Variants in RARB observed in about 807,000 individuals in gnomAD.
RARB encodes retinoic acid receptor beta.
Under a neutral mutation model 51.9 loss-of-function variants are expected in RARB, and 17 were observed. That is an observed-to-expected ratio of 0.33 (90% CI 0.22 to 0.49). The LOEUF (loss-of-function observed/expected upper bound fraction) is 0.49. RARB is among the 20% of genes least tolerant of loss of function. The pLI, the probability that RARB is intolerant of heterozygous loss-of-function variation, is 0.99. For synonymous variants in RARB, 215 were observed against 195.4 expected, an observed-to-expected ratio of 1.10 and a Z score of -0.84; for missense variants, 369 against 550.8, an observed-to-expected ratio of 0.67 and a Z score of 3.30.
At chr3:25,307,779 G>T (rs1704188727) in intron 5 of RARB, among the ~76,000 whole-genome samples, 1 of 152,114 alleles carries the variant, frequency 6.6e-6, no homozygotes, top group Non-Finnish European at 1.5e-5. Context: ...TCTCCAGCTG[G>T]AATCTTTCTC....
At chr3:25,175,806 C>G (rs1228331902) in intron 5 of RARB, among the ~76,000 whole-genome samples, 2 of 152,144 alleles carry the variant, frequency 1.3e-5, no homozygotes, top group Non-Finnish European at 2.9e-5. Flanking sequence ...CCTCATGTCT[C>G]TGGAATTGCC....
intron 2 of RARB, among the ~76,000 whole-genome samples, chr3:24,994,318 C>T (rs200669358): frequency 1.2e-4 from 11 of 95,652 alleles, no homozygotes; most frequent in East Asian, 3.9e-4. Flanking sequence ...GAGAAATGTT[C>T]GGATTACGTG....
At chr3:25,432,916 G>A (rs1397024917) in intron 1 of RARB, among the ~76,000 whole-genome samples, 1 of 152,088 alleles carries the variant, frequency 6.6e-6, no homozygotes, top group Non-Finnish European at 1.5e-5. Flanking sequence ...AGTCACACAG[G>A]ATTTTAACAA....
In RARB at chr3:25,332,389, G is replaced by A. The variant is rs183500514; in HGVS notation, c.179-128804G>A. ...GTTCAACAAACACAAATCAATAAAC[G>A]TAATCCAGCATATAAACAGAACCAA... On this transcript the variant is annotated intron_variant, in intron 5 of 11. Transcript: ENST00000383772. Among the ~76,000 whole-genome samples, 301 of 152,214 alleles carry A rather than the reference G, an allele frequency of 2.0e-3. 1 individual carries two copies. Among genetic ancestry groups the A allele is most frequent in the African/African-American group, 6.1e-3 (254 of 41,506 alleles).
intron 3 of RARB, among the ~76,000 whole-genome samples, chr3:25,083,831 T>C (rs1699055755): frequency 6.6e-6 from 1 of 152,194 alleles, no homozygotes; most frequent in Non-Finnish European, 1.5e-5. Flanking sequence ...TAGGCTTTGT[T>C]GGGACAAATC....
chr3:25,563,122 G>A (rs1161336685), intron 3 of RARB, among the ~76,000 whole-genome samples: 1 of 152,112 alleles, frequency 6.6e-6, no homozygotes, highest in African/African-American at 2.4e-5. Context: ...CTCAATTGCT[G>A]GCACAATGGA....
At chr3:25,158,770 G>A (rs1700420978) in intron 4 of RARB, among the ~76,000 whole-genome samples, 1 of 152,160 alleles carries the variant, frequency 6.6e-6, no homozygotes, top group African/African-American at 2.4e-5. Flanking sequence ...TCATCATCCA[G>A]TGCAGGCACG....
intron 2 of RARB, among the ~76,000 whole-genome samples, chr3:24,865,930 G>A (rs760354387): frequency 3.9e-5 from 6 of 151,960 alleles, no homozygotes; most frequent in Admixed American, 6.6e-5. Context: ...ATAATATAAC[G>A]ACATTTGGCC....
At chr3:25,053,506 T>C (rs1272968879) in intron 2 of RARB, among the ~76,000 whole-genome samples, 21 of 152,098 alleles carry the variant, frequency 1.4e-4, no homozygotes, top group Admixed American at 1.4e-3. Flanking sequence ...AAATGCAAAG[T>C]TTGCATTGCC....
In RARB at chr3:25,295,865, C is replaced by CT. The variant is rs533954346; in HGVS notation, c.178+121293dup. On this transcript the variant is annotated intron_variant, in intron 5 of 11. Transcript: ENST00000383772. Reference sequence around the variant, plus strand: ...GAACAAGTTCCATGACCCTTAGGCCCTTTACCACAGCAGCTAGACGGAGAA... The same window carrying CT: ...GAACAAGTTCCATGACCCTTAGGCCCTTTTACCACAGCAGCTAGACGGAGAA... 6.6e-4 allele frequency among the ~76,000 whole-genome samples: 101 copies of CT among 152,280 alleles called. 1 individual carries two copies. Among genetic ancestry groups the CT allele is most frequent in the Non-Finnish European group, 1.2e-3 (80 of 68,026 alleles).
chr3:25,270,564 A>C (rs961921655), intron 5 of RARB, among the ~76,000 whole-genome samples: 1 of 152,194 alleles, frequency 6.6e-6, no homozygotes, highest in Non-Finnish European at 1.5e-5. Flanking sequence ...GTTTGTTTAA[A>C]TTCCCTGTAG....
chr3:25,331,555 T>C (rs1057288846), intron 5 of RARB, among the ~76,000 whole-genome samples: 1 of 152,150 alleles, frequency 6.6e-6, no homozygotes, highest in African/African-American at 2.4e-5. Context: ...TAGCACTAAA[T>C]GCCCACAAGA....
intron 3 of RARB, among the ~76,000 whole-genome samples, chr3:25,517,736 C>T (rs1698231192): frequency 6.6e-6 from 1 of 152,128 alleles, no homozygotes; most frequent in Non-Finnish European, 1.5e-5. Flanking sequence ...AAAGCTGAAA[C>T]ACCCAAATAT....
In RARB at chr3:25,072,832, C is replaced by T. The variant is rs1414448426; in HGVS notation, c.-328+12656C>T. The stretch of plus-strand genomic sequence containing the variant: ...CACGCCATTCTCCTGCCTCAGCCTG[C>T]CGAGTAGCTGGGACTACAGGCACCC... On this transcript the variant is annotated intron_variant, in intron 3 of 11. Transcript: ENST00000383772. 2.6e-5 allele frequency among the ~76,000 whole-genome samples: 4 copies of T among 151,992 alleles called. No homozygotes were observed. In the East Asian group the frequency reaches 5.8e-4, roughly 22 times the overall value.
intron 2 of RARB, among the ~76,000 whole-genome samples, chr3:24,907,089 G>C (rs532415104): frequency 6.6e-6 from 1 of 152,054 alleles, no homozygotes; most frequent in Admixed American, 6.6e-5. Flanking sequence ...TATTTATGGA[G>C]CACCCCCCAT....
chr3:25,335,475 T>G (rs1419772401), intron 5 of RARB, among the ~76,000 whole-genome samples: 1 of 152,220 alleles, frequency 6.6e-6, no homozygotes, highest in Admixed American at 6.5e-5. Context: ...TTGGCATGTA[T>G]TTTATTGGCT....
chr3:24,851,457 C>T (rs952103109), intron 1 of RARB, among the ~76,000 whole-genome samples: 45 of 151,660 alleles, frequency 3.0e-4, no homozygotes, highest in African/African-American at 5.1e-4. Context: ...AATTGTGGCC[C>T]GATTAGGTGA....
At chr3:24,905,387 C>G (rs532720448) in intron 2 of RARB, among the ~76,000 whole-genome samples, 1 of 152,194 alleles carries the variant, frequency 6.6e-6, no homozygotes, top group African/African-American at 2.4e-5. Context: ...AAAAATACCT[C>G]TGCTTACTTG....
chr3:25,533,167 A>C (rs1023617833), intron 3 of RARB, among the ~76,000 whole-genome samples: 2 of 152,264 alleles, frequency 1.3e-5, no homozygotes, highest in African/African-American at 2.4e-5. Context: ...TTATAAATAA[A>C]GTGAAAATAT....
Sources: allele counts gnomAD v4.1 joint callset (sites outside exome capture counted in the v4.1 genomes callset), GRCh38; gene constraint gnomAD v4.1.1; transcripts MANE v1.5; gene names NCBI Gene and HGNC (gene_info 2026-07-23, HGNC 2026-07-21).